Variants in FER1L5 observed in about 807,000 individuals in gnomAD.
The protein encoded by FER1L5 is fer-1-like protein 5.
A neutral mutation model predicts 279.9 loss-of-function variants in FER1L5; 187 were observed. The observed-to-expected ratio is 0.67, with a 90% CI of 0.59 to 0.75. The LOEUF is 0.75. FER1L5 is among the 30% of genes least tolerant of loss of function. The probability of loss-of-function intolerance (pLI) is 0.00; values close to 1 mark genes in which losing one functional copy is unlikely to be tolerated. For missense variants in FER1L5, 2,091 were observed against 2,594.4 expected (o/e 0.81, Z 4.21); for synonymous variants, 921 against 989.7 (o/e 0.93, Z 1.30).
intron 7 of FER1L5, 84 bp from the exon 8 acceptor site, chr2:96,653,556 T>C (rs2075470602): frequency 9.5e-7 from 1 of 1,052,408 alleles, no homozygotes. Flanking sequence ...AGAAGCACAT[T>C]ATTCTGAGCT....
chr2:96,692,916 A>C (rs1006217004), intron 31 of FER1L5, among the ~76,000 whole-genome samples: 1 of 152,098 alleles, frequency 6.6e-6, no homozygotes, highest in African/African-American at 2.4e-5. Context: ...GGTGACTCAC[A>C]CCTGTAATTC....
Position 96,691,532 on chromosome 2 carries a change from C to G in FER1L5, c.2995C>G (p.Arg999Gly). ...CAACCCTCAGCCCCAGAGCCGGTTC[C>G]GCCGCCGCTGCTGGCGCCGCAGGCT... Reference protein sequence around the residue: ...HLNPQPQSRFRRRCWRRRLAP... With the variant: ...HLNPQPQSRFGRRCWRRRLAP... The change falls in exon 29 of 53, where the codon CGC becomes GGC. Residue 999 changes from arginine to glycine, a missense_variant. Transcript: ENST00000624922. This position sits in a 1 kb window ranked among gnomAD's most constrained non-coding sequence, Gnocchi z 6.0. The G allele has an allele frequency of 6.5e-7, 1 of 1,550,152 alleles. No individual in the cohort carries two copies. The highest frequency in any genetic ancestry group is 8.7e-7 in the Non-Finnish European group (1 of 1,146,552).
At position 96,694,176 on chromosome 2, in the gene FER1L5, G is replaced by A; in HGVS notation, c.3636+104G>A. 2 of 1,434,720 alleles carry A rather than the reference G, an allele frequency of 1.4e-6. No individual in the cohort carries two copies. Among genetic ancestry groups the A allele is most frequent in the South Asian group, 1.4e-5 (1 of 70,306 alleles). 88.9% of individuals were successfully genotyped at this position (1,434,720 alleles called of 1,614,324 possible). ...ACTCCACCCTGTCAGGAAATGCCTG[G>A]GGCCCAGGATCCCGAGCTGTGGGCT... On this transcript the variant is annotated intron_variant, in intron 33 of 52. Coordinates refer to ENST00000624922, the MANE Select transcript of FER1L5 (RefSeq NM_001293083.2). This position sits in a 1 kb window ranked among gnomAD's most constrained non-coding sequence, Gnocchi z 4.6.
intron 4 of FER1L5, 111 bp downstream of exon 4, chr2:96,647,997 C>A: frequency 2.7e-6 from 2 of 736,642 alleles, no homozygotes; most frequent in South Asian, 1.6e-5. Context: ...CATCACACTG[C>A]CTTCCTCTCC....
In FER1L5 at chr2:96,689,794, A is replaced by G; in HGVS notation, c.2640+36A>G. ...CCGAAGCTGCCTCGGGTTAGGGGGC[A>G]AGCAAGGCCACCAGGCGGGGCGCCT... On this transcript the variant is annotated intron_variant, in intron 26 of 52. Transcript: ENST00000624922. This position sits in a 1 kb window ranked among gnomAD's most constrained non-coding sequence, Gnocchi z 4.6. The G allele has an allele frequency of 6.7e-7, 1 of 1,494,816 alleles. No homozygotes were observed. The highest frequency in any genetic ancestry group is 2.2e-5 in the Admixed American group (1 of 45,168). 92.6% of individuals were successfully genotyped at this position (1,494,816 alleles called of 1,614,324 possible).
intron 50 of FER1L5, 72 bp from the exon 51 acceptor site, chr2:96,703,451 G>T (rs1010063050): frequency 6.8e-6 from 11 of 1,607,290 alleles, no homozygotes; most frequent in Non-Finnish European, 8.5e-7. Context: ...TCTTGATCCC[G>T]GGAAGAGGTC....
chr2:96,681,409 G>A (rs1393152366), intron 19 of FER1L5, among the ~76,000 whole-genome samples: 1 of 152,172 alleles, frequency 6.6e-6, no homozygotes, highest in East Asian at 1.9e-4. Flanking sequence ...TCCCTGCTTG[G>A]CAGTGTCCCA....
At chr2:96,681,457 T>C (rs1304913108) in intron 19 of FER1L5, among the ~76,000 whole-genome samples, 1 of 152,220 alleles carries the variant, frequency 6.6e-6, no homozygotes, top group Non-Finnish European at 1.5e-5. Context: ...CTCTGGAGAA[T>C]GAAACTTTAG....
intron 50 of FER1L5, 36 bp from the exon 51 acceptor site, chr2:96,703,487 T>C: frequency 6.2e-7 from 1 of 1,612,512 alleles, no homozygotes; most frequent in Non-Finnish European, 8.5e-7. Context: ...TCCTGCTGTC[T>C]GCACTCAGCC....
At chr2:96,667,636 C>T (rs1373435603) in intron 14 of FER1L5, among the ~76,000 whole-genome samples, 1 of 152,112 alleles carries the variant, frequency 6.6e-6, no homozygotes, top group Non-Finnish European at 1.5e-5. Flanking sequence ...CATGTGCCAC[C>T]ATGCCTGGTT....
rs1282980441 is a variant in FER1L5, at chr2:96,661,864, G to A, written c.1018+73G>A. 7 of 1,533,740 alleles carry A rather than the reference G, an allele frequency of 4.6e-6. No homozygotes were observed. In the Admixed American group the frequency reaches 1.2e-4, roughly 26 times the overall value. On this transcript the variant is annotated intron_variant, in intron 12 of 52. Coordinates refer to ENST00000624922, the MANE Select transcript of FER1L5 (RefSeq NM_001293083.2). ...CGGTGATACCCTGGATCCTCATGGA[G>A]TTTCCTCATTCCTTTTGGCACTAAA...
At chr2:96,704,121 G>C (rs1440974296) in intron 51 of FER1L5, 94 bp from the exon 52 acceptor site, 1 of 1,471,526 alleles carries the variant, frequency 6.8e-7, no homozygotes, top group Non-Finnish European at 9.1e-7. Context: ...TGGCCCAGTA[G>C]TTGCTTTTTT....
rs753000865 is a variant in FER1L5, at chr2:96,697,530, T to C, written c.4088T>C (p.Leu1363Pro). 6.2e-7 allele frequency: 1 copy of C among 1,613,476 alleles called. No homozygotes were observed. The highest frequency in any genetic ancestry group is 1.1e-5 in the South Asian group (1 of 90,874). Residue 1363 changes from leucine to proline, a missense_variant, in exon 38 of 53, where the codon CTA (leucine) becomes CCA (proline). By Grantham distance (98) the Leu-to-Pro change is moderately conservative. Coordinates refer to ENST00000624922, the MANE Select transcript of FER1L5 (RefSeq NM_001293083.2). ...GCTCACCCTCTCCTTTTTCAGTTCC[T>C]AGGCTACCTCTACAGAAAGTTCTGG... Reference protein sequence around the residue: ...TLSEKKHQDFLGYLYRKFWFK... With the variant: ...TLSEKKHQDFPGYLYRKFWFK...
intron 38 of FER1L5, 26 bp from the exon 39 acceptor site, chr2:96,697,634 G>T (rs377490588): frequency 1.3e-4 from 209 of 1,613,786 alleles, no homozygotes; most frequent in Non-Finnish European, 1.6e-4. Context: ...CCTGCCCGAG[G>T]CCAGAATGAT....
At chr2:96,664,912 G>A in intron 14 of FER1L5, among the ~76,000 whole-genome samples, 1 of 152,196 alleles carries the variant, frequency 6.6e-6, no homozygotes, top group African/African-American at 2.4e-5. Context: ...ATGGCCTGGA[G>A]CCATTATGGG....
rs138985357 is a variant in FER1L5, at chr2:96,662,141, G to A, written c.1019-74G>A. ...AAATTATAGGGGAGGGTTTTCAGTT[G>A]TTCTGTCGCCACCCTATTTCCTCCT... On this transcript the variant is annotated intron_variant, in intron 12 of 52. Coordinates refer to ENST00000624922, the MANE Select transcript of FER1L5 (RefSeq NM_001293083.2). The A allele has an allele frequency of 4.2e-4, 608 of 1,451,878 alleles. 1 individual carries two copies. In the African/African-American group the frequency reaches 7.5e-3, roughly 18 times the overall value. 89.9% of individuals were successfully genotyped at this position (1,451,878 alleles called of 1,614,324 possible).
At position 96,668,311 on chromosome 2, in the gene FER1L5, C is replaced by T. The variant is rs537072085; in HGVS notation, c.1141-440C>T. ...GCCCTACGCAGGAGGATTGCTTTTG[C>T]CCAGGAGTTCGAGACCAGCTTGGGC... On this transcript the variant is annotated intron_variant, in intron 14 of 52. Transcript: ENST00000624922. 2.4e-4 allele frequency among the ~76,000 whole-genome samples: 37 copies of T among 152,180 alleles called. No homozygotes were observed. In the Middle Eastern group the frequency reaches 0.014, roughly 56 times the overall value.
rs2077065485 is a variant in FER1L5, at chr2:96,689,659, A to C, written c.2541A>C (p.Ile847=). Residue 847 remains isoleucine (I), a synonymous_variant, in exon 26 of 53, where the codon ATA becomes ATC. Transcript: ENST00000624922. The surrounding 1 kb of genome is among the most constrained non-coding windows in gnomAD (Gnocchi z 4.6). ...TTACCCCCAGGCTCCTCCTGGACATAGACATCAACAAGAGCCAGGTGCTGG... is the reference window on the plus strand; with the variant it reads ...TTACCCCCAGGCTCCTCCTGGACATCGACATCAACAAGAGCCAGGTGCTGG... ...VEPQRRLLLD[I]DINKSQVLEE... is the part of the protein sequence containing the mutation. 2 of 1,550,954 alleles carry C rather than the reference A, an allele frequency of 1.3e-6. No individual in the cohort carries two copies. Among genetic ancestry groups the C allele is most frequent in the African/African-American group, 2.7e-5 (2 of 72,988 alleles).
chr2:96,659,288 G>GCCTTCCTTCCTTCCTT (rs879846869), intron 9 of FER1L5, among the ~76,000 whole-genome samples: 1 of 100,088 alleles, frequency 1.0e-5, no homozygotes, highest in East Asian at 3.0e-4. Flanking sequence ...AATTTATCAA[G>GCCTTCCTTCCTTCCTT]CTTTCCTTCC....
Sources: gnomAD v4.1 joint callset for allele counts (sites outside exome capture counted in the v4.1 genomes callset) on GRCh38, gnomAD v4.1.1 for gene constraint, Gnocchi (gnomAD v3.1) non-coding constraint, MANE v1.5 for transcripts, NCBI Gene and HGNC (gene_info 2026-07-23, HGNC 2026-07-21) for gene names.